Variants in PPP6R1 observed in about 807,000 individuals in gnomAD.
The protein encoded by PPP6R1 is serine/threonine-protein phosphatase 6 regulatory subunit 1.
Under a neutral mutation model 104.6 loss-of-function variants are expected in PPP6R1, and 39 were observed. The observed-to-expected ratio is 0.37, with a 90% confidence interval of 0.29 to 0.49. The LOEUF (loss-of-function observed/expected upper bound fraction) is 0.49, where lower values mean the gene tolerates loss of function less well. PPP6R1 is among the 20% of genes least tolerant of loss of function. The pLI, the probability that PPP6R1 is intolerant of heterozygous loss-of-function variation, is 0.98. For missense variants in PPP6R1, 1,181 were observed against 1,155.8 expected (o/e 1.02, Z -0.32); for synonymous variants, 549 against 479.0 (o/e 1.15, Z -1.91).
Position 55,230,606 on chromosome 19 carries a change from C to T in PPP6R1, c.2642+7G>A. ...CCTACCCAGCCCGAGGCTGCAGCCA[C>T]ACTCACTGGGAGCCTGGGGATGCAG... is the stretch of plus-strand genomic sequence containing the variant. On this transcript the variant is annotated splice_region_variant and intron_variant, in intron 23 of 23. Coordinates refer to ENST00000412770, the MANE Select transcript of PPP6R1 (RefSeq NM_014931.4). 6.2e-7 allele frequency: 1 copy of T among 1,612,678 alleles called. No individual in the cohort carries two copies. The highest frequency in any genetic ancestry group is 1.7e-5 in the Admixed American group (1 of 59,920).
intron 1 of PPP6R1, among the ~76,000 whole-genome samples, chr19:55,254,372 T>C (rs779776094): frequency 1.3e-5 from 2 of 152,194 alleles, no homozygotes; most frequent in African/African-American, 2.4e-5. Flanking sequence ...AGCTCTGCAC[T>C]ATTGCCTCTG....
intron 5 of PPP6R1, among the ~76,000 whole-genome samples, chr19:55,243,404 C>CAAAAAAAAAAAAAAAAAAAAAAAAAAAA (rs58375899): frequency 6.1e-5 from 3 of 49,134 alleles, no homozygotes; most frequent in African/African-American, 2.1e-4. Flanking sequence ...GACTCCATCT[C>CAAAAAAAAAAAAAAAAAAAAAAAAAAAA]AAAAAAAAAA....
At chr19:55,253,188 C>G (rs572010906) in intron 1 of PPP6R1, among the ~76,000 whole-genome samples, 20 of 152,366 alleles carry the variant, frequency 1.3e-4, no homozygotes, top group African/African-American at 3.6e-4. Context: ...ACACTTGTCT[C>G]GGCTCCACAT....
chr19:55,249,581 C>T (rs2087537424), intron 1 of PPP6R1, among the ~76,000 whole-genome samples: 2 of 152,064 alleles, frequency 1.3e-5, no homozygotes, highest in East Asian at 2.0e-4. Context: ...TGGCTCACGC[C>T]TATAATCCCA....
chr19:55,242,066 G>T, intron 7 of PPP6R1, 100 bp downstream of exon 7: 1 of 1,133,746 alleles, frequency 8.8e-7, no homozygotes, highest in Non-Finnish European at 1.3e-6. Context: ...AGGTGCCACG[G>T]GCGGGGATTT....
At chr19:55,234,012 C>T (rs1018025285) in intron 17 of PPP6R1, among the ~76,000 whole-genome samples, 6 of 152,144 alleles carry the variant, frequency 3.9e-5, no homozygotes, top group South Asian at 4.1e-4. Context: ...ATGAATGGTG[C>T]GATCTCAGCT....
At position 55,239,825 on chromosome 19, in the gene PPP6R1, C is replaced by T; in HGVS notation, c.1563+1G>A. On this transcript the variant is annotated splice_donor_variant, in intron 13 of 23. Transcript: ENST00000412770. LOFTEE classifies it high-confidence loss of function. ...GTGCAGGAAGAGAAGCTGGGCCTCA[C>T]CAGGTCCACCATGTTCTTCTTGTTG... 6.2e-7 allele frequency: 1 copy of T among 1,613,660 alleles called. No homozygotes were observed. Among genetic ancestry groups the T allele is most frequent in the Non-Finnish European group, 8.5e-7 (1 of 1,179,682 alleles).
In PPP6R1 at chr19:55,244,998, A is replaced by G. The variant is rs540298893; in HGVS notation, c.618+122T>C. On this transcript the variant is annotated intron_variant, in intron 5 of 23. Coordinates refer to ENST00000412770, the MANE Select transcript of PPP6R1 (RefSeq NM_014931.4). ...AGTAATCCTCCCACCTCGCCCTCCC[A>G]AAGTGCTGGAATTACAGGCGTGAGC... The G allele has an allele frequency of 7.8e-5, 112 of 1,432,634 alleles. No homozygotes were observed. The South Asian group carries it at 1.2e-3, about 16-fold the overall frequency. 88.7% of individuals were successfully genotyped at this position (1,432,634 alleles called of 1,614,324 possible). A position where few individuals can be genotyped will look rare whatever the true frequency, so the allele number is the denominator to read the frequency against.
At chr19:55,257,078 TAAAAAAA>T (rs35336959) in intron 1 of PPP6R1, among the ~76,000 whole-genome samples, 2 of 94,278 alleles carry the variant, frequency 2.1e-5, no homozygotes, top group East Asian at 2.7e-4. Flanking sequence ...GAACTAGAGT[TAAAAAAA>T]AAAAAAAAAA....
intron 17 of PPP6R1, among the ~76,000 whole-genome samples, chr19:55,234,645 C>T (rs7508606): frequency 0.21 from 29,307 of 138,592 alleles, 4,074 homozygotes; most frequent in South Asian, 0.27. Context: ...TCACAGCGGC[C>T]GCACTCACAG....
At chr19:55,228,322 G>T (rs369160495), downstream of PPP6R1, 4 of 1,613,712 alleles carry the variant, frequency 2.5e-6, no homozygotes, top group African/African-American at 5.3e-5. Flanking sequence ...GCAGAGGACG[G>T]GCAGGCACTT....
chr19:55,232,087 G>A lies in PPP6R1; in HGVS notation c.2113C>T (p.Pro705Ser), dbSNP rs750795129. 10 of 1,610,622 alleles carry A rather than the reference G, an allele frequency of 6.2e-6. No homozygotes were observed. Among genetic ancestry groups the A allele is most frequent in the South Asian group, 1.1e-5 (1 of 90,266 alleles). Residue 705 changes from proline to serine, a missense_variant, in exon 18 of 24, where the codon CCT (proline) becomes TCT (serine). Physicochemically the swap from Pro to Ser is moderately conservative, Grantham distance 74. Coordinates refer to ENST00000412770, the MANE Select transcript of PPP6R1 (RefSeq NM_014931.4). ...ATPLSYPSPG[P>S]QPPGPSWTAT... The stretch of plus-strand genomic sequence containing the variant: ...CCCATTCATTCACCTGGAGGCTGAG[G>A]GCCAGGGCTGGGGTAGGACAGAGGG...
chr19:55,231,849 G>C lies in PPP6R1; in HGVS notation c.2259C>G (p.Pro753=), dbSNP rs1380009421. Residue 753 remains proline (P), a synonymous_variant, in exon 19 of 24, where the codon CCC becomes CCG. Coordinates refer to ENST00000412770, the MANE Select transcript of PPP6R1 (RefSeq NM_014931.4). Reference sequence around the variant, plus strand: ...CAGGAGGGCTGGCCAGGCTCTGAGTGGGGAGGCCCTGGGGCACACTGAGGG... The same window carrying C: ...CAGGAGGGCTGGCCAGGCTCTGAGTCGGGAGGCCCTGGGGCACACTGAGGG... ...QGPLSVPQGL[P]TQSLASPPAR... is the part of the protein sequence containing the mutation. The C allele has an allele frequency of 6.6e-7, 1 of 1,504,314 alleles. No homozygotes were observed. The allele number at this position is 1,504,314 out of a possible 1,614,324, so 93.2% of individuals were successfully genotyped here. A position where few individuals can be genotyped will look rare whatever the true frequency, so the allele number is the denominator to read the frequency against.
intron 15 of PPP6R1, chr19:55,239,058 C>T: frequency 3.3e-6 from 1 of 304,244 alleles, no homozygotes; most frequent in African/African-American, 2.2e-5. Context: ...GCCAGGACTG[C>T]TGGTCCCCAC....
Position 55,245,478 on chromosome 19 carries a change from G to A in PPP6R1, c.414+14C>T. 1 of 1,609,724 alleles carries A rather than the reference G, an allele frequency of 6.2e-7. No homozygotes were observed. Among genetic ancestry groups the A allele is most frequent in the South Asian group, 1.1e-5 (1 of 90,334 alleles). ...CCTCAACCCACGGTGGCGCCAGGGT[G>A]GGGGCCAGGGCACCTGGTCTGTCTT... On this transcript the variant is annotated intron_variant, in intron 3 of 23. Coordinates refer to ENST00000412770, the MANE Select transcript of PPP6R1 (RefSeq NM_014931.4). The surrounding 1 kb of genome is among the most constrained non-coding windows in gnomAD (Gnocchi z 6.4).
At chr19:55,234,645 C>CACTCACAGCGGCTGCACTCACAGCGGCT (rs1568943894) in intron 17 of PPP6R1, among the ~76,000 whole-genome samples, 1 of 137,274 alleles carries the variant, frequency 7.3e-6, no homozygotes, top group African/African-American at 3.5e-5. Context: ...TCACAGCGGC[C>CACTCACAGCGGCTGCACTCACAGCGGCT]GCACTCACAG....
intron 1 of PPP6R1, among the ~76,000 whole-genome samples, chr19:55,252,855 G>C (rs1182327925): frequency 6.6e-6 from 1 of 152,014 alleles, no homozygotes; most frequent in African/African-American, 2.4e-5. Context: ...CTAAATGGAT[G>C]AACTGTACAG....
intron 1 of PPP6R1, 147 bp from the exon 2 acceptor site, chr19:55,247,256 G>A (rs765696375): frequency 4.5e-5 from 37 of 816,810 alleles, no homozygotes; most frequent in East Asian, 1.6e-4. Context: ...GCCCGGCCCC[G>A]CCCCGGGACT....
chr19:55,233,455 A>G (rs1356848122), intron 17 of PPP6R1, among the ~76,000 whole-genome samples: 1 of 152,184 alleles, frequency 6.6e-6, no homozygotes, highest in Non-Finnish European at 1.5e-5. Flanking sequence ...AGCCAGGGCA[A>G]CCAGGCAAGA....
Sources: allele counts gnomAD v4.1 joint callset (sites outside exome capture counted in the v4.1 genomes callset), GRCh38; gene constraint gnomAD v4.1.1; non-coding constraint Gnocchi (gnomAD v3.1); transcripts MANE v1.5; gene names NCBI Gene and HGNC (gene_info 2026-07-23, HGNC 2026-07-21).